The following GHR variants were observed in gnomAD, a reference collection of about 807,000 sequenced individuals.
GHR encodes growth hormone receptor.
GHR carries 35 observed loss-of-function variants against 67.1 expected under a neutral mutation model. The ratio of observed to expected loss-of-function variants is 0.52; its 90% CI spans 0.40 to 0.69. The LOEUF (loss-of-function observed/expected upper bound fraction) is 0.69, where lower values mean the gene tolerates loss of function less well. Among genes scored for constraint, GHR ranks in the 30% least tolerant of loss-of-function variants. The probability of loss-of-function intolerance (pLI) is 0.00; values close to 1 mark genes in which losing one functional copy is unlikely to be tolerated. For missense variants in GHR, 792 were observed against 764.6 expected (o/e 1.04, Z -0.42); for synonymous variants, 272 against 269.1 (o/e 1.01, Z -0.10).
chr5:42,514,795 C>T (rs1245644473), intron 1 of GHR: 2 of 152,160 alleles, frequency 1.3e-5, no homozygotes, highest in South Asian at 2.1e-4. Flanking sequence ...TATGTATGCA[C>T]GTTTTCCTGT....
chr5:42,712,847 C>T (rs1333493257), intron 7 of GHR, among the ~76,000 whole-genome samples: 1 of 150,842 alleles, frequency 6.6e-6, no homozygotes, highest in African/African-American at 2.4e-5. Flanking sequence ...ATATAATATA[C>T]ATGAGATATA....
intron 3 of GHR, among the ~76,000 whole-genome samples, chr5:42,635,915 T>C (rs754974852): frequency 5.3e-5 from 8 of 151,570 alleles, no homozygotes; most frequent in Admixed American, 2.0e-4. Context: ...TAGAAGTGAG[T>C]AAAAAAAATT....
chr5:42,718,369 A>AG, intron 9 of GHR, 84 bp from the exon 10 acceptor site: 1 of 1,057,956 alleles, frequency 9.5e-7, no homozygotes, highest in Non-Finnish European at 1.5e-6. Context: ...TGTAACCATA[A>AG]TTAATCTCTG....
chr5:42,629,334 G>C (rs1345661351), intron 3 of GHR, among the ~76,000 whole-genome samples: 1 of 131,840 alleles, frequency 7.6e-6, no homozygotes, highest in African/African-American at 3.2e-5. Context: ...TGGAAGTGGA[G>C]ACTGGGAGGA....
chr5:42,470,304 T>TAC (rs36120101), intron 1 of GHR, among the ~76,000 whole-genome samples: 32,398 of 149,172 alleles, frequency 0.22, 3,837 homozygotes, highest in Middle Eastern at 0.29. Context: ...TATTTGTGTA[T>TAC]ACACACACAC....
At chr5:42,500,127 A>G (rs1281844477) in intron 1 of GHR, among the ~76,000 whole-genome samples, 2 of 152,192 alleles carry the variant, frequency 1.3e-5, no homozygotes, top group Non-Finnish European at 2.9e-5. Flanking sequence ...CCCTTCCTTC[A>G]TGGCAGCCCT....
chr5:42,430,528 G>A (rs144807240), intron 1 of GHR, among the ~76,000 whole-genome samples: 88 of 152,094 alleles, frequency 5.8e-4, no homozygotes, highest in South Asian at 3.3e-3. Context: ...CCTACCAAAA[G>A]CCCTTTGAGA....
chr5:42,620,050 G>A (rs7735231), intron 2 of GHR, among the ~76,000 whole-genome samples: 35,099 of 151,820 alleles, frequency 0.23, 4,724 homozygotes, highest in African/African-American at 0.37. Flanking sequence ...ACAGTGAGTG[G>A]AAGAAATTAA....
At chr5:42,476,452 C>T (rs1169436918) in intron 1 of GHR, among the ~76,000 whole-genome samples, 2 of 152,134 alleles carry the variant, frequency 1.3e-5, no homozygotes, top group African/African-American at 2.4e-5. Context: ...ATCTCCTGAC[C>T]TCGTGATGTG....
chr5:42,692,457 C>A (rs531073617), intron 4 of GHR, among the ~76,000 whole-genome samples: 1 of 152,196 alleles, frequency 6.6e-6, no homozygotes, highest in South Asian at 2.1e-4. Context: ...CCAGAGAAGG[C>A]AAGTGACACA....
At chr5:42,609,401 A>G (rs748058672) in intron 2 of GHR, among the ~76,000 whole-genome samples, 9 of 152,156 alleles carry the variant, frequency 5.9e-5, no homozygotes, top group Non-Finnish European at 1.2e-4. Context: ...TGGAGCAACA[A>G]ATGGGGAGTA....
chr5:42,424,650 G>A lies in GHR; in HGVS notation c.-12+695G>A. On this transcript the variant is annotated intron_variant, in intron 1 of 9. Coordinates refer to ENST00000230882, the MANE Select transcript of GHR (RefSeq NM_000163.5). This position sits in a 1 kb window ranked among gnomAD's most constrained non-coding sequence, Gnocchi z 4.1. ...CTCCCCCAGCTTTTGACACACTAGT[G>A]GTTGTAAAATCAACCAGGCTTAAAG... The A allele has an allele frequency of 1.3e-6, 2 of 1,491,760 alleles. No individual in the cohort carries two copies. The highest frequency in any genetic ancestry group is 4.9e-5 in the East Asian group (2 of 40,652). The allele number at this position is 1,491,760 out of a possible 1,614,324, so 92.4% of individuals were successfully genotyped here. A position where few individuals can be genotyped will look rare whatever the true frequency, so the allele number is the denominator to read the frequency against.
At chr5:42,489,295 T>C (rs891208677) in intron 1 of GHR, among the ~76,000 whole-genome samples, 4 of 152,210 alleles carry the variant, frequency 2.6e-5, no homozygotes, top group African/African-American at 9.6e-5. Flanking sequence ...AGCTTGATAA[T>C]AGATTCTTCA....
At position 42,694,943 on chromosome 5, in the gene GHR, G is replaced by A. The variant is rs1237134960; in HGVS notation, c.293G>A (p.Trp98Ter). The change falls in exon 5 of 10, where the codon TGG becomes TAG. Residue 98 changes from tryptophan to a stop codon, truncating the protein, a stop_gained. Transcript: ENST00000230882. LOFTEE classifies it high-confidence loss of function. ...AACACTCAAGAATGGACTCAAGAAT[G>A]GAAAGAATGCCCTGATTATGTTTCT... ...RRNTQEWTQEWKECPDYVSAG... is the reference protein window; with the variant it reads ...RRNTQEWTQE 5 of 1,610,584 alleles carry A rather than the reference G, an allele frequency of 3.1e-6. No individual in the cohort carries two copies. Among genetic ancestry groups the A allele is most frequent in the Non-Finnish European group, 4.2e-6 (5 of 1,177,688 alleles).
chr5:42,482,679 G>T (rs1375157830), intron 1 of GHR, among the ~76,000 whole-genome samples: 3 of 152,220 alleles, frequency 2.0e-5, no homozygotes, highest in African/African-American at 7.2e-5. Context: ...GACCCTCCGA[G>T]CCAGGTGCGG....
At position 42,718,565 on chromosome 5, in the gene GHR, C is replaced by A; in HGVS notation, c.1058C>A (p.Pro353Gln). 1 of 1,614,028 alleles carries A rather than the reference C, an allele frequency of 6.2e-7. No homozygotes were observed. ...TTTATTGAGCTAGATATTGATGAGCCAGATGAAAAGACTGAGGAATCAGAC... is the reference window on the plus strand; with the variant it reads ...TTTATTGAGCTAGATATTGATGAGCAAGATGAAAAGACTGAGGAATCAGAC... Reference protein sequence around the residue: ...VEFIELDIDEPDEKTEESDTD... With the variant: ...VEFIELDIDEQDEKTEESDTD... Residue 353 changes from proline to glutamine, a missense_variant, in exon 10 of 10, where the codon CCA becomes CAA. Transcript: ENST00000230882.
intron 1 of GHR, among the ~76,000 whole-genome samples, chr5:42,456,287 G>C (rs1445224987): frequency 6.6e-6 from 1 of 152,220 alleles, no homozygotes; most frequent in Non-Finnish European, 1.5e-5. Flanking sequence ...CTGCAGCCTG[G>C]TGACAGAGCG....
intron 1 of GHR, among the ~76,000 whole-genome samples, chr5:42,474,349 A>AGAAAGAAAAGAAAT (rs1745198797): frequency 2.0e-5 from 3 of 146,622 alleles, no homozygotes; most frequent in African/African-American, 7.5e-5. Flanking sequence ...AAAGAAATAA[A>AGAAAGAAAAGAAAT]GAAAGAAAGC....
At chr5:42,513,458 A>G (rs1236752833) in intron 1 of GHR, among the ~76,000 whole-genome samples, 1 of 152,156 alleles carries the variant, frequency 6.6e-6, no homozygotes, top group Non-Finnish European at 1.5e-5. Context: ...AAGCTTAAAT[A>G]TGTCACATTG....
Sources: gnomAD v4.1 joint callset for allele counts (sites outside exome capture counted in the v4.1 genomes callset) on GRCh38, gnomAD v4.1.1 for gene constraint, Gnocchi (gnomAD v3.1) non-coding constraint, MANE v1.5 for transcripts, NCBI Gene and HGNC (gene_info 2026-07-23, HGNC 2026-07-21) for gene names.